RECQL5: variants seen among roughly 807,000 people sequenced by gnomAD.
RECQL5 encodes RecQ like helicase 5, also known as ATP-dependent DNA helicase Q5.
A neutral mutation model predicts 103.4 loss-of-function variants in RECQL5; 88 were observed. That is an observed-to-expected ratio of 0.85 (90% confidence interval 0.72 to 1.02). The LOEUF is 1.02. Ranked by LOEUF, RECQL5 falls within the 50% of genes least tolerant of loss-of-function variation. RECQL5 has a pLI of 0.00. For synonymous variants in RECQL5, 552 were observed against 507.9 expected (o/e 1.09, Z -1.17); for missense variants, 1,232 against 1,284.3 (o/e 0.96, Z 0.62).
intron 7 of RECQL5, among the ~76,000 whole-genome samples, chr17:75,653,551 T>C (rs2148322054): frequency 6.6e-6 from 1 of 152,324 alleles, no homozygotes; most frequent in South Asian, 2.1e-4. Flanking sequence ...TTTGTGTACA[T>C]GTCTATTTGC....
Position 75,627,682 on chromosome 17 carries a change from TTAAAC to T in RECQL5, c.2811_2815del (p.Phe938ArgfsTer43). 6.2e-7 allele frequency: 1 copy of T among 1,607,492 alleles called. No homozygotes were observed. The stretch of plus-strand genomic sequence containing the variant: ...GTGTGAGAGGTGGCGGGCAAAGCCT[TTAAAC>T]AACTCCTGGAAGGGAGAGGGAGAAG... On this transcript the variant is annotated frameshift_variant, in exon 19 of 20. Coordinates refer to ENST00000317905, the MANE Select transcript of RECQL5 (RefSeq NM_004259.7). LOFTEE classifies it high-confidence loss of function.
rs1256792676 is a variant in RECQL5 at position 75,631,186 on chromosome 17, C to CCA, written c.1510_1511dup (p.Trp504CysfsTer20). The CCA allele has an allele frequency of 1.9e-6, 3 of 1,613,824 alleles. No individual in the cohort carries two copies. Among genetic ancestry groups the CCA allele is most frequent in the East Asian group, 4.5e-5 (2 of 44,898 alleles). ...GCATCTGCTTCTGATAGAAGAGGTTCCACTCCCGCTTGTGGGCCTCATCTC... is the reference window on the plus strand; with the variant it reads ...GCATCTGCTTCTGATAGAAGAGGTTCCACACTCCCGCTTGTGGGCCTCATCTC... On this transcript the variant is annotated frameshift_variant, in exon 10 of 20. Transcript: ENST00000317905. LOFTEE classifies it high-confidence loss of function.
At position 75,629,238 on chromosome 17, in the gene RECQL5, CAG is replaced by C; in HGVS notation, c.2183_2184del (p.Pro728ArgfsTer19). 1 of 1,612,726 alleles carries C rather than the reference CAG, an allele frequency of 6.2e-7. No homozygotes were observed. Among genetic ancestry groups the C allele is most frequent in the Non-Finnish European group, 8.5e-7 (1 of 1,179,700 alleles). On this transcript the variant is annotated frameshift_variant, in exon 16 of 20. Transcript: ENST00000317905. LOFTEE classifies it high-confidence loss of function. ...GGSAHYGGPS[P>X]EKKAKSSSGG... ...CCAGAGGAACTTTTTGCCTTCTTCT[CAG>C]GGGAGGGCCCCCCATAGTGAGCGCT...
chr17:75,665,630 C>T (rs1015408413), intron 2 of RECQL5, among the ~76,000 whole-genome samples: 4 of 144,558 alleles, frequency 2.8e-5, no homozygotes, highest in African/African-American at 1.0e-4. Context: ...GCGGAGGTTG[C>T]AGTGAGCCGA....
intron 8 of RECQL5, chr17:75,647,594 C>T (rs1348155156): frequency 3.2e-6 from 5 of 1,546,846 alleles, no homozygotes; most frequent in Non-Finnish European, 2.6e-6. Context: ...GAGATGGCAG[C>T]AGGGGAGGCG....
chr17:75,631,180 G>T lies in RECQL5; in HGVS notation c.1518C>A (p.Leu506=). ...RDEAHKREWN[L]FYQKQMQLRK... is the part of the protein sequence containing the mutation. Reference sequence around the variant, plus strand: ...GCAGCTGCATCTGCTTCTGATAGAAGAGGTTCCACTCCCGCTTGTGGGCCT... The same window carrying T: ...GCAGCTGCATCTGCTTCTGATAGAATAGGTTCCACTCCCGCTTGTGGGCCT... The change falls in exon 10 of 20, where the codon CTC becomes CTA. Residue 506 remains leucine, a synonymous_variant. Transcript: ENST00000317905. The T allele has an allele frequency of 6.2e-7, 1 of 1,613,934 alleles. No homozygotes were observed. Among genetic ancestry groups the T allele is most frequent in the Non-Finnish European group, 8.5e-7 (1 of 1,180,026 alleles).
chr17:75,647,255 G>A (rs145794275), intron 8 of RECQL5: 149 of 819,516 alleles, frequency 1.8e-4, no homozygotes, highest in East Asian at 1.3e-3. Flanking sequence ...GCTGCCAGGC[G>A]GGCCGGCTGC....
intron 8 of RECQL5, chr17:75,637,897 G>C (rs1321720539): frequency 6.6e-6 from 1 of 152,442 alleles, no homozygotes; most frequent in African/African-American, 2.4e-5. Flanking sequence ...GGTGCTGGCT[G>C]GGGCCCTGTC....
rs1555706009 is a variant in RECQL5 at position 75,630,841 on chromosome 17, T to TTG, written c.1586-5_1586-4insCA. 4 of 1,135,132 alleles carry TTG rather than the reference T, an allele frequency of 3.5e-6. No individual in the cohort carries two copies. Among genetic ancestry groups the TTG allele is most frequent in the Admixed American group, 2.9e-5 (1 of 34,750 alleles). The allele number at this position is 1,135,132 out of a possible 1,614,324, so 70.3% of individuals were successfully genotyped here. ...TCTTTCAGGGGACAGTTCTCATCTG[T>TTG]GGGGGGGGGGGGTGGTCCTTGGTCC... On this transcript the variant is annotated splice_region_variant and splice_polypyrimidine_tract_variant and intron_variant, in intron 11 of 19. Transcript: ENST00000317905.
At chr17:75,632,577 C>T (rs1664831303) in intron 8 of RECQL5, among the ~76,000 whole-genome samples, 1 of 152,264 alleles carries the variant, frequency 6.6e-6, no homozygotes, top group African/African-American at 2.4e-5. Flanking sequence ...CTCTCGTCTT[C>T]CTCTGTCTCA....
At position 75,628,940 on chromosome 17, in the gene RECQL5, C is replaced by T. The variant is rs1162609142; in HGVS notation, c.2483G>A (p.Arg828Lys). 1 of 1,574,466 alleles carries T rather than the reference C, an allele frequency of 6.4e-7. No individual in the cohort carries two copies. The highest frequency in any genetic ancestry group is 8.6e-7 in the Non-Finnish European group (1 of 1,167,016). Residue 828 changes from arginine (R) to lysine (K), a missense_variant, in exon 16 of 20, where the codon AGG becomes AAG. Coordinates refer to ENST00000317905, the MANE Select transcript of RECQL5 (RefSeq NM_004259.7). ...TGACTACCTGTACCCTTACCTTGGC[C>T]TCTCCCTGAGGCACTCCTCAGTCTG... is the stretch of plus-strand genomic sequence containing the variant. Reference protein sequence around the residue: ...PPQTEECLRERPSTCPPRDQG... With the variant: ...PPQTEECLREKPSTCPPRDQG...
intron 8 of RECQL5, chr17:75,634,013 A>G: frequency 1.0e-6 from 1 of 985,578 alleles, no homozygotes; most frequent in Non-Finnish European, 1.2e-6. Flanking sequence ...CGCGACGGTA[A>G]TTTGACACTT....
chr17:75,647,749 G>C (rs893106495), intron 8 of RECQL5: 1 of 618,498 alleles, frequency 1.6e-6, no homozygotes, highest in Non-Finnish European at 2.9e-6. Flanking sequence ...TAGTAAGATG[G>C]GGAGGCTGGT....
chr17:75,648,815 G>C (rs921741746), intron 8 of RECQL5: 9 of 151,490 alleles, frequency 5.9e-5, no homozygotes, highest in African/African-American at 2.2e-4. Context: ...TGGGACTACA[G>C]GCATGTGCCA....
In RECQL5 at chr17:75,633,461, C is replaced by T. The variant is rs1568262601; in HGVS notation, c.1230-1793G>A. The T allele has an allele frequency of 5.4e-6, 7 of 1,289,164 alleles. No homozygotes were observed. The South Asian group carries it at 6.2e-5, about 11-fold the overall frequency. 79.9% of individuals were successfully genotyped at this position (1,289,164 alleles called of 1,614,324 possible). A position where few individuals can be genotyped will look rare whatever the true frequency, so the allele number is the denominator to read the frequency against. On this transcript the variant is annotated intron_variant, in intron 8 of 19. Coordinates refer to ENST00000317905, the MANE Select transcript of RECQL5 (RefSeq NM_004259.7). ...CAGCCCCAGCAGAAGGCCCTCACCT[C>T]ACAAGGAACATGAGGCGCCTTGCCG...
rs769638843 is a variant in RECQL5 at position 75,629,771 on chromosome 17, A to G, written c.1884T>C (p.Ser628=). The G allele has an allele frequency of 3.7e-6, 6 of 1,613,492 alleles. No individual in the cohort carries two copies. The highest frequency in any genetic ancestry group is 3.3e-5 in the South Asian group (3 of 91,068). The change falls in exon 15 of 20, where the codon AGT becomes AGC. Residue 628 remains serine (S), a synonymous_variant. Transcript: ENST00000317905. ...TGGGCTCCGGGGGCTCAGCTTGGGC[A>G]CTGCAGCTCTTGGCACTGCCTCCCA... ...YDMGGSAKSC[S]AQAEPPEPNE...
chr17:75,651,023 G>A, intron 8 of RECQL5, 163 bp downstream of exon 8: 1 of 1,529,162 alleles, frequency 6.5e-7, no homozygotes, highest in African/African-American at 1.4e-5. Flanking sequence ...CAATAGAGAA[G>A]AGCAAGGTCC....
chr17:75,635,324 C>T (rs2059299422), intron 8 of RECQL5, among the ~76,000 whole-genome samples: 1 of 152,192 alleles, frequency 6.6e-6, no homozygotes, highest in Non-Finnish European at 1.5e-5. Flanking sequence ...GTGGCTGTCA[C>T]TCACAAGACG....
chr17:75,657,562 C>A (rs972932071), intron 7 of RECQL5, among the ~76,000 whole-genome samples: 3 of 151,778 alleles, frequency 2.0e-5, no homozygotes, highest in Non-Finnish European at 4.4e-5. Flanking sequence ...CCAGTCTGGG[C>A]ACCATAGTGA....
Sources: gnomAD v4.1 joint callset for allele counts (sites outside exome capture counted in the v4.1 genomes callset) on GRCh38, gnomAD v4.1.1 for gene constraint, MANE v1.5 for transcripts, NCBI Gene and HGNC (gene_info 2026-07-23, HGNC 2026-07-21) for gene names.